EXOC6B: variants seen among roughly 807,000 people sequenced by gnomAD.
EXOC6B encodes exocyst complex component 6B.
EXOC6B carries 54 observed loss-of-function variants against 113.5 expected under a neutral mutation model. That is an observed-to-expected ratio of 0.48 (90% CI 0.38 to 0.60). EXOC6B has a LOEUF of 0.60. Ranked by LOEUF, EXOC6B falls within the 20% of genes least tolerant of loss-of-function variation. The pLI, the probability that EXOC6B is intolerant of heterozygous loss-of-function variation, is 0.00. For synonymous variants in EXOC6B, 357 were observed against 339.0 expected, an observed-to-expected ratio of 1.05 and a Z score of -0.58; for missense variants, 797 against 977.5, an observed-to-expected ratio of 0.82 and a Z score of 2.46.
intron 8 of EXOC6B, among the ~76,000 whole-genome samples, chr2:72,517,887 T>A (rs1176069369): frequency 2.6e-5 from 4 of 152,178 alleles, no homozygotes; most frequent in African/African-American, 4.8e-5. Flanking sequence ...AAACTGGGTG[T>A]AGCTTTGCTT....
chr2:72,330,503 A>C (rs950480552), intron 20 of EXOC6B, among the ~76,000 whole-genome samples: 1 of 152,004 alleles, frequency 6.6e-6, no homozygotes, highest in African/African-American at 2.4e-5. Context: ...TTTAAACAAA[A>C]CTTAAATCTG....
chr2:72,545,570 C>G (rs1702850651), intron 8 of EXOC6B, among the ~76,000 whole-genome samples: 1 of 152,138 alleles, frequency 6.6e-6, no homozygotes, highest in Non-Finnish European at 1.5e-5. Flanking sequence ...TTTCATAACA[C>G]AATTCAGAGT....
At chr2:72,303,080 C>T (rs370274570) in intron 20 of EXOC6B, among the ~76,000 whole-genome samples, 2 of 152,118 alleles carry the variant, frequency 1.3e-5, no homozygotes, top group East Asian at 3.9e-4. Flanking sequence ...ACTAAGGAAG[C>T]TTGGTTTGGC....
chr2:72,457,011 G>GGA (rs1477864014), intron 18 of EXOC6B, among the ~76,000 whole-genome samples: 5 of 149,630 alleles, frequency 3.3e-5, no homozygotes, highest in African/African-American at 1.2e-4. Flanking sequence ...GGCATGGGGG[G>GGA]GAAAAAAAAA....
At chr2:72,289,318 T>C (rs1035014383) in intron 20 of EXOC6B, among the ~76,000 whole-genome samples, 2 of 152,228 alleles carry the variant, frequency 1.3e-5, no homozygotes, top group South Asian at 2.1e-4. Flanking sequence ...CATATAATTA[T>C]GATTTATAGA....
intron 6 of EXOC6B, among the ~76,000 whole-genome samples, chr2:72,629,905 C>T (rs1053157275): frequency 6.6e-5 from 10 of 152,190 alleles, no homozygotes; most frequent in Non-Finnish European, 1.0e-4. Context: ...TCAGCTAATA[C>T]ACCACTTTTT....
intron 8 of EXOC6B, among the ~76,000 whole-genome samples, chr2:72,542,228 T>C (rs1249099071): frequency 1.3e-5 from 2 of 152,140 alleles, no homozygotes; most frequent in Non-Finnish European, 2.9e-5. Flanking sequence ...TTCTATGTGG[T>C]GAGAATAACC....
At chr2:72,371,310 T>C (rs1446432397) in intron 19 of EXOC6B, among the ~76,000 whole-genome samples, 1 of 152,084 alleles carries the variant, frequency 6.6e-6, no homozygotes, top group Non-Finnish European at 1.5e-5. Context: ...TTCTGAAAAA[T>C]TGAGGAAGGA....
chr2:72,444,360 G>A (rs1236248190), intron 18 of EXOC6B, among the ~76,000 whole-genome samples: 1 of 152,182 alleles, frequency 6.6e-6, no homozygotes, highest in East Asian at 1.9e-4. Flanking sequence ...TGAGTGTCTT[G>A]TGGCTTTTCC....
At chr2:72,201,936 G>C (rs1679518772) in intron 20 of EXOC6B, among the ~76,000 whole-genome samples, 1 of 152,188 alleles carries the variant, frequency 6.6e-6, no homozygotes, top group Non-Finnish European at 1.5e-5. Context: ...ATGGGAAGAA[G>C]ATACTAGGAG....
intron 20 of EXOC6B, among the ~76,000 whole-genome samples, chr2:72,331,330 C>T (rs1350428919): frequency 1.3e-5 from 2 of 152,028 alleles, no homozygotes; most frequent in East Asian, 3.9e-4. Flanking sequence ...AAATCAAATT[C>T]TAGTGTTGAT....
At chr2:72,311,583 T>G (rs1687186639) in intron 20 of EXOC6B, among the ~76,000 whole-genome samples, 1 of 152,136 alleles carries the variant, frequency 6.6e-6, no homozygotes, top group African/African-American at 2.4e-5. Flanking sequence ...ACCAAGATAA[T>G]CAGGATAATC....
At chr2:72,587,316 G>A (rs192683978) in intron 6 of EXOC6B, among the ~76,000 whole-genome samples, 7 of 152,138 alleles carry the variant, frequency 4.6e-5, no homozygotes, top group South Asian at 2.1e-4. Flanking sequence ...ATGCAGGAAC[G>A]GAAAATCATA....
intron 19 of EXOC6B, among the ~76,000 whole-genome samples, chr2:72,352,612 A>T (rs1353930043): frequency 1.3e-5 from 2 of 152,172 alleles, no homozygotes; most frequent in Non-Finnish European, 2.9e-5. Context: ...TAATTAAAAC[A>T]GCAGAATCCA....
chr2:72,616,750 G>T (rs777711525), intron 6 of EXOC6B, among the ~76,000 whole-genome samples: 1 of 151,538 alleles, frequency 6.6e-6, no homozygotes, highest in African/African-American at 2.4e-5. Flanking sequence ...ATGAGATCTG[G>T]GTGGGGACAC....
At chr2:72,736,345 T>A (rs1680961540) in intron 2 of EXOC6B, among the ~76,000 whole-genome samples, 1 of 152,226 alleles carries the variant, frequency 6.6e-6, no homozygotes. Context: ...TTCATTGGTA[T>A]GTTGAAATAG....
chr2:72,755,245 G>A, intron 1 of EXOC6B, among the ~76,000 whole-genome samples: 1 of 152,266 alleles, frequency 6.6e-6, no homozygotes, highest in South Asian at 2.1e-4. Flanking sequence ...GCCTAGAAAT[G>A]AATGGGCACC....
In EXOC6B at chr2:72,513,210, G is replaced by A. The variant is rs1701039099; in HGVS notation, c.1089C>T (p.Gly363=). The part of the protein sequence containing the change: ...VEDHILHTTQ[G]LVNRAYIDEL... ...CATCAATGTAGGCTCTATTTACTAA[G>A]CCCTGGGTTGTATGTAAAATGTGAT... The change falls in exon 11 of 22, where the codon GGC becomes GGT. Residue 363 remains glycine (G), a synonymous_variant. Coordinates refer to ENST00000272427, the MANE Select transcript of EXOC6B (RefSeq NM_015189.3). 1.2e-6 allele frequency: 2 copies of A among 1,613,234 alleles called. No individual in the cohort carries two copies. The highest frequency in any genetic ancestry group is 1.7e-6 in the Non-Finnish European group (2 of 1,179,376).
At chr2:72,783,490 A>G (rs1684189457) in intron 1 of EXOC6B, among the ~76,000 whole-genome samples, 1 of 151,278 alleles carries the variant, frequency 6.6e-6, no homozygotes, top group Non-Finnish European at 1.5e-5. Flanking sequence ...TGCCCAGCTA[A>G]TTTTTGTATT....
Sources: allele counts gnomAD v4.1 joint callset (sites outside exome capture counted in the v4.1 genomes callset), GRCh38; gene constraint gnomAD v4.1.1; transcripts MANE v1.5; gene names NCBI Gene and HGNC (gene_info 2026-07-23, HGNC 2026-07-21).